PKHD1: variants seen among roughly 807,000 people sequenced by gnomAD.
The protein encoded by PKHD1 is fibrocystin.
In PKHD1, 291 loss-of-function variants were observed where a neutral mutation model predicts 412.0. The observed-to-expected ratio is 0.71, with a 90% CI of 0.64 to 0.78. PKHD1 has a LOEUF of 0.78. Ranked by LOEUF, PKHD1 falls within the 30% of genes least tolerant of loss-of-function variation. PKHD1 has a pLI of 0.00. For missense variants in PKHD1, 4,825 were observed against 4,950.7 expected, an observed-to-expected ratio of 0.97 and a Z score of 0.76; for synonymous variants, 1,777 against 1,821.5, an observed-to-expected ratio of 0.98 and a Z score of 0.62.
At chr6:51,957,873 C>A (rs553404017) in intron 36 of PKHD1, among the ~76,000 whole-genome samples, 1 of 152,088 alleles carries the variant, frequency 6.6e-6, no homozygotes, top group African/African-American at 2.4e-5. Flanking sequence ...GGCCTCACTG[C>A]CAGCATCACT....
At chr6:51,996,447 C>T (rs1027195185) in intron 35 of PKHD1, among the ~76,000 whole-genome samples, 6 of 152,178 alleles carry the variant, frequency 3.9e-5, no homozygotes, top group Admixed American at 3.9e-4. Flanking sequence ...ACTGAGTGAT[C>T]AGCCATCCCC....
chr6:51,703,469 C>G (rs985080794), intron 60 of PKHD1, among the ~76,000 whole-genome samples: 1 of 151,840 alleles, frequency 6.6e-6, no homozygotes, highest in East Asian at 1.9e-4. Context: ...TGGAGAACTT[C>G]CCCCTAGCAG....
At chr6:51,896,946 G>T (rs1454718933) in intron 43 of PKHD1, among the ~76,000 whole-genome samples, 3 of 152,126 alleles carry the variant, frequency 2.0e-5, no homozygotes, top group Non-Finnish European at 2.9e-5. Flanking sequence ...AATGAAGCGA[G>T]AAGGGAAGTT....
chr6:51,987,534 G>A lies in PKHD1; in HGVS notation c.5751+22775C>T, dbSNP rs906067519. 3.3e-5 allele frequency among the ~76,000 whole-genome samples: 5 copies of A among 152,250 alleles called. No individual in the cohort carries two copies. The East Asian group carries it at 9.6e-4, about 29-fold the overall frequency. On this transcript the variant is annotated intron_variant, in intron 35 of 66. Transcript: ENST00000371117. ...GGTGGAACCAAGGCTTTGAGAATCT[G>A]TTTTCAGACTTTAGCAGCCCATGCC...
chr6:51,899,507 G>A (rs1780830917), intron 43 of PKHD1, among the ~76,000 whole-genome samples: 1 of 151,754 alleles, frequency 6.6e-6, no homozygotes. Flanking sequence ...GGTATTGATG[G>A]GATGTATTTC....
At chr6:51,912,310 T>G (rs968517749) in intron 38 of PKHD1, 56 bp downstream of exon 38, 2 of 1,088,948 alleles carry the variant, frequency 1.8e-6, no homozygotes, top group African/African-American at 3.1e-5. Flanking sequence ...CAGACCCCAA[T>G]ACAGTTAAGA....
intron 2 of PKHD1, among the ~76,000 whole-genome samples, chr6:52,083,970 TA>T (rs796981002): frequency 0.016 from 2,306 of 143,468 alleles, 38 homozygotes; most frequent in African/African-American, 0.048. Flanking sequence ...TCCTTTTGTT[TA>T]AAAAAAAAAA....
chr6:52,020,324 T>C (rs752491043), intron 33 of PKHD1, among the ~76,000 whole-genome samples: 18 of 152,180 alleles, frequency 1.2e-4, no homozygotes, highest in Non-Finnish European at 2.6e-4. Context: ...CCAGCAAGAC[T>C]GCAGTATAAT....
intron 65 of PKHD1, 34 bp downstream of exon 65, chr6:51,632,531 A>T: frequency 1.9e-6 from 3 of 1,577,018 alleles, no homozygotes; most frequent in Admixed American, 3.5e-5. Context: ...TTTTTCAGAA[A>T]TTTTCATTCC....
intron 6 of PKHD1, 89 bp from the exon 7 acceptor site, chr6:52,073,630 C>T (rs1342984270): frequency 1.3e-6 from 1 of 799,068 alleles, no homozygotes; most frequent in Non-Finnish European, 2.2e-6. Flanking sequence ...GTTGTATATA[C>T]TCAATATGGC....
rs554491912 is a variant in PKHD1, at chr6:51,700,447, T to C, written c.10157-40478A>G. ...TCTTGTCCAGATTCCCAGTATTCCA[T>C]CTCCTTATTAAGGCTCATTCTAGGA... On this transcript the variant is annotated intron_variant, in intron 60 of 66. Transcript: ENST00000371117. Among the ~76,000 whole-genome samples the C allele has an allele frequency of 1.1e-4, 16 of 152,098 alleles. No homozygotes were observed. In the South Asian group the frequency reaches 3.1e-3, roughly 30 times the overall value.
intron 61 of PKHD1, among the ~76,000 whole-genome samples, chr6:51,655,035 A>G (rs1771586528): frequency 6.6e-6 from 1 of 152,140 alleles, no homozygotes; most frequent in Admixed American, 6.6e-5. Flanking sequence ...ATGAAATAAG[A>G]TTACAATAAT....
At chr6:51,824,741 AAT>A (rs1428188015) in intron 52 of PKHD1, among the ~76,000 whole-genome samples, 14 of 152,170 alleles carry the variant, frequency 9.2e-5, no homozygotes, top group African/African-American at 3.4e-4. Flanking sequence ...AAATGCTCGA[AAT>A]ATGTTTCCTT....
chr6:51,664,332 G>C (rs1258184755), intron 60 of PKHD1, among the ~76,000 whole-genome samples: 5 of 152,150 alleles, frequency 3.3e-5, no homozygotes, highest in African/African-American at 1.2e-4. Flanking sequence ...GAGAGAAGGA[G>C]ACAGAGGGAG....
At position 51,888,724 on chromosome 6, in the gene PKHD1, G is replaced by A. The variant is rs1778607277; in HGVS notation, c.6997-1479C>T. Among the ~76,000 whole-genome samples the A allele has an allele frequency of 4.0e-5, 6 of 151,508 alleles. No homozygotes were observed. In the South Asian group the frequency reaches 8.6e-4, roughly 22 times the overall value. On this transcript the variant is annotated intron_variant, in intron 43 of 66. Coordinates refer to ENST00000371117, the MANE Select transcript of PKHD1 (RefSeq NM_138694.4). ...TGCAACCTCAACTACAGGCAACAAA[G>A]TAAATAACATGTTGGCTATTCTATG...
chr6:51,730,368 T>G (rs1783092672), intron 60 of PKHD1, among the ~76,000 whole-genome samples: 1 of 152,154 alleles, frequency 6.6e-6, no homozygotes, highest in African/African-American at 2.4e-5. Context: ...TAAAATTTAT[T>G]TTTGTAAAGA....
chr6:51,817,900 C>T (rs1056326221), intron 52 of PKHD1, among the ~76,000 whole-genome samples: 2 of 152,144 alleles, frequency 1.3e-5, no homozygotes, highest in Non-Finnish European at 2.9e-5. Context: ...CACCTCCGTG[C>T]GTGGGCTATA....
chr6:51,843,903 T>C (rs2151601414), intron 50 of PKHD1, among the ~76,000 whole-genome samples: 1 of 152,358 alleles, frequency 6.6e-6, no homozygotes, highest in South Asian at 2.1e-4. Context: ...GGCTAACAAT[T>C]GCTTAAGTGG....
At chr6:51,758,014 A>AAGAGAGAGAGAGAG (rs10534219) in intron 55 of PKHD1, among the ~76,000 whole-genome samples, 3,801 of 125,768 alleles carry the variant, frequency 0.03, 75 homozygotes, top group Middle Eastern at 0.065. Flanking sequence ...ACCCTGCCAA[A>AAGAGAGAGAGAGAG]AGAGAGAGAG....
Sources: allele counts gnomAD v4.1 joint callset (sites outside exome capture counted in the v4.1 genomes callset), GRCh38; gene constraint gnomAD v4.1.1; transcripts MANE v1.5; gene names NCBI Gene and HGNC (gene_info 2026-07-23, HGNC 2026-07-21).